SLC8A1: variants seen among roughly 807,000 people sequenced by gnomAD.
SLC8A1 encodes solute carrier family 8 member A1.
A neutral mutation model predicts 68.3 loss-of-function variants in SLC8A1; 18 were observed. The ratio of observed to expected loss-of-function variants is 0.26; its 90% confidence interval spans 0.18 to 0.39. SLC8A1 has a LOEUF of 0.39. Among genes scored for constraint, SLC8A1 ranks in the 10% least tolerant of loss-of-function variants. The pLI is 1.00. For missense variants in SLC8A1, 985 were observed against 1,156.7 expected, an observed-to-expected ratio of 0.85 and a Z score of 2.15; for synonymous variants, 475 against 415.5, an observed-to-expected ratio of 1.14 and a Z score of -1.74.
chr2:40,213,489 A>C (rs2056962817), intron 2 of SLC8A1: 1 of 152,196 alleles, frequency 6.6e-6, no homozygotes, highest in Admixed American at 6.5e-5. Context: ...GGTGAATGTC[A>C]TGTGTGACAG....
intron 2 of SLC8A1, among the ~76,000 whole-genome samples, chr2:40,314,601 T>G (rs1261367430): frequency 6.6e-6 from 1 of 152,042 alleles, no homozygotes; most frequent in Non-Finnish European, 1.5e-5. Flanking sequence ...GGAAGAACGA[T>G]TATCTTAAAA....
chr2:40,405,137 A>C (rs998185680), intron 2 of SLC8A1, among the ~76,000 whole-genome samples: 1 of 152,152 alleles, frequency 6.6e-6, no homozygotes, highest in African/African-American at 2.4e-5. Flanking sequence ...GAAGGGGAAA[A>C]GTGTCAGGGG....
intron 1 of SLC8A1, among the ~76,000 whole-genome samples, chr2:40,482,369 G>T (rs1247394041): frequency 6.6e-6 from 1 of 152,068 alleles, no homozygotes; most frequent in Non-Finnish European, 1.5e-5. Flanking sequence ...ACAATATGGG[G>T]CCTACATTAA....
At chr2:40,454,242 T>C (rs1291972526), upstream of SLC8A1, among the ~76,000 whole-genome samples, 1 of 151,980 alleles carries the variant, frequency 6.6e-6, no homozygotes, top group Non-Finnish European at 1.5e-5. Flanking sequence ...CTCCACTCAA[T>C]AGGAAATAGA....
chr2:40,190,738 C>T (rs1194372688), intron 2 of SLC8A1: 1 of 152,146 alleles, frequency 6.6e-6, no homozygotes, highest in Non-Finnish European at 1.5e-5. Flanking sequence ...ACTACAACAT[C>T]CACAGAAACG....
In SLC8A1 at chr2:40,466,601, C is replaced by G. The variant is rs148307315; in HGVS notation, c.-24-36297G>C. Among the ~76,000 whole-genome samples the G allele has an allele frequency of 9.2e-5, 14 of 152,226 alleles. No individual in the cohort carries two copies. In the South Asian group the frequency reaches 2.9e-3, roughly 32 times the overall value. ...ACTGAGGGTGCTAATCTGCTTCTTTCTATATTACGAGGATCTTGTAGTGCA... is the reference window on the plus strand; with the variant it reads ...ACTGAGGGTGCTAATCTGCTTCTTTGTATATTACGAGGATCTTGTAGTGCA... On this transcript the variant is annotated intron_variant, in intron 1 of 7. Transcript: ENST00000402441.
intron 1 of SLC8A1, among the ~76,000 whole-genome samples, chr2:40,442,408 A>AG (rs1700675230): frequency 6.6e-6 from 1 of 151,026 alleles, no homozygotes; most frequent in South Asian, 2.1e-4. Context: ...AAAAAAAAAA[A>AG]AAAAGAAAAA....
In SLC8A1 at chr2:40,462,001, C is replaced by CTTTTTTTTTTTTTTTTTTTTTTTTT. The variant is rs370223854; in HGVS notation, c.-24-31698_-24-31697insAAAAAAAAAAAAAAAAAAAAAAAAA. ...CCTCTCATTTTAAAGTAAAATCCTC[C>CTTTTTTTTTTTTTTTTTTTTTTTTT]TTTTTTTTTTTTTTTTTTTTTTTGA... On this transcript the variant is annotated intron_variant, in intron 1 of 7. Coordinates refer to the SLC8A1 transcript ENST00000402441. 1.5e-3 allele frequency among the ~76,000 whole-genome samples: 97 copies of CTTTTTTTTTTTTTTTTTTTTTTTTT among 66,158 alleles called. 17 individuals carry two copies. Among genetic ancestry groups the CTTTTTTTTTTTTTTTTTTTTTTTTT allele is most frequent in the African/African-American group, 4.8e-3 (79 of 16,484 alleles). The allele number at this position is 66,158 out of a possible 152,430, so 43.4% of individuals were successfully genotyped here. A position where few individuals can be genotyped will look rare whatever the true frequency, so the allele number is the denominator to read the frequency against.
intron 2 of SLC8A1, among the ~76,000 whole-genome samples, chr2:40,218,937 T>A (rs982741333): frequency 3.3e-5 from 5 of 152,108 alleles, no homozygotes; most frequent in African/African-American, 1.2e-4. Context: ...GTGCTTTTTT[T>A]AACTTACACT....
At chr2:40,121,634 A>G (rs756295353) in intron 7 of SLC8A1, among the ~76,000 whole-genome samples, 4 of 152,206 alleles carry the variant, frequency 2.6e-5, no homozygotes, top group Non-Finnish European at 5.9e-5. Flanking sequence ...AAGCTTACCT[A>G]CTTCATAGGG....
At chr2:40,142,777 T>G (rs1292973206) in intron 6 of SLC8A1, among the ~76,000 whole-genome samples, 2 of 152,212 alleles carry the variant, frequency 1.3e-5, no homozygotes, top group African/African-American at 4.8e-5. Context: ...ATTATCATGG[T>G]AGTTATCATT....
At chr2:40,276,160 T>C (rs2066669721) in intron 2 of SLC8A1, among the ~76,000 whole-genome samples, 1 of 152,206 alleles carries the variant, frequency 6.6e-6, no homozygotes, top group Non-Finnish European at 1.5e-5. Context: ...TTGGGAAAAC[T>C]GGAATTTGAG....
At chr2:40,162,006 A>G (rs1447082550) in intron 5 of SLC8A1, among the ~76,000 whole-genome samples, 1 of 152,214 alleles carries the variant, frequency 6.6e-6, no homozygotes, top group Non-Finnish European at 1.5e-5. Flanking sequence ...CATAATATCA[A>G]GCATGTTTGC....
chr2:40,243,604 C>T (rs1040642768), intron 2 of SLC8A1, among the ~76,000 whole-genome samples: 2 of 152,174 alleles, frequency 1.3e-5, no homozygotes, highest in Non-Finnish European at 2.9e-5. Context: ...GAAGTCTATT[C>T]AAATGGAGCC....
chr2:40,350,587 CAAAAAAAAAAAAAAAAAAAA>C (rs572258156), intron 2 of SLC8A1, among the ~76,000 whole-genome samples: 2 of 76,222 alleles, frequency 2.6e-5, no homozygotes, highest in African/African-American at 4.4e-5. Context: ...CCCAGACAAG[CAAAAAAAAAAAAAAAAAAAA>C]AAAAAAAAAA....
chr2:40,320,264 C>A (rs2287052), intron 2 of SLC8A1, among the ~76,000 whole-genome samples: 6,345 of 151,680 alleles, frequency 0.042, 128 homozygotes, highest in South Asian at 0.084. Context: ...TTTTTCAATG[C>A]AAAAATAAAC....
chr2:40,510,343 A>C (rs1252017880), intron 1 of SLC8A1, among the ~76,000 whole-genome samples: 1 of 152,178 alleles, frequency 6.6e-6, no homozygotes, highest in Non-Finnish European at 1.5e-5. Flanking sequence ...GTCATTGTCT[A>C]TTACTTATAT....
intron 2 of SLC8A1, among the ~76,000 whole-genome samples, chr2:40,407,059 C>G (rs1466586353): frequency 4.6e-5 from 7 of 152,178 alleles, no homozygotes; most frequent in East Asian, 1.9e-4. Flanking sequence ...GTATGTCACT[C>G]AGCAGATTTG....
chr2:40,210,451 G>A (rs1044544621), intron 2 of SLC8A1, among the ~76,000 whole-genome samples: 1 of 152,098 alleles, frequency 6.6e-6, no homozygotes, highest in African/African-American at 2.4e-5. Flanking sequence ...GAATAGACTG[G>A]CATGACTTTT....
Sources: gnomAD v4.1 joint callset for allele counts (sites outside exome capture counted in the v4.1 genomes callset) on GRCh38, gnomAD v4.1.1 for gene constraint, MANE v1.5 for transcripts, NCBI Gene and HGNC (gene_info 2026-07-23, HGNC 2026-07-21) for gene names.